SPRED2: variants seen among roughly 807,000 people sequenced by gnomAD.
SPRED2 encodes the protein sprouty related EVH1 domain containing 2.
In SPRED2, 47 loss-of-function variants were observed where a neutral mutation model predicts 43.0. The observed-to-expected ratio is 1.09, with a 90% CI of 0.87 to 1.40. SPRED2 has a LOEUF of 1.40. SPRED2 is among the 40% of genes most tolerant of loss of function. SPRED2 has a pLI of 0.00. For synonymous variants in SPRED2, 225 were observed against 225.7 expected (o/e 1.00, Z 0.03); for missense variants, 561 against 586.4 (o/e 0.96, Z 0.45).
chr2:65,329,830 C>T (rs554842910), intron 4 of SPRED2, among the ~76,000 whole-genome samples: 1 of 152,282 alleles, frequency 6.6e-6, no homozygotes, highest in Non-Finnish European at 1.5e-5. Flanking sequence ...CTGCTCGGAG[C>T]ACTATAGGAA....
At chr2:65,409,119 C>A (rs1676094795) in intron 1 of SPRED2, among the ~76,000 whole-genome samples, 1 of 152,158 alleles carries the variant, frequency 6.6e-6, no homozygotes, top group South Asian at 2.1e-4. Context: ...TTCAAGGACA[C>A]TGAAGTTTTT....
At chr2:65,367,710 T>A (rs1290455629) in intron 1 of SPRED2, among the ~76,000 whole-genome samples, 1 of 152,206 alleles carries the variant, frequency 6.6e-6, no homozygotes, top group Non-Finnish European at 1.5e-5. Flanking sequence ...TGTTTCCTTA[T>A]GCATTCTCTG....
rs1256626844 is a variant in SPRED2 at position 65,313,510 on chromosome 2, C to T, written c.1248G>A (p.Ala416=). 8.7e-6 allele frequency: 14 copies of T among 1,602,498 alleles called. No homozygotes were observed. The highest frequency in any genetic ancestry group is 1.3e-5 in the African/African-American group (1 of 74,736). The change falls in exon 6 of 6, where the codon GCG becomes GCA. Residue 416 remains alanine (A), a synonymous_variant. Transcript: ENST00000356388. ...AGGGAGGGAAACTGAGTCACGCGGCCGCTTTGTGCTTCCCGCCACAGCACC... is the reference window on the plus strand; with the variant it reads ...AGGGAGGGAAACTGAGTCACGCGGCTGCTTTGTGCTTCCCGCCACAGCACC... ...MCRCCGGKHK[A]AA
intron 1 of SPRED2, among the ~76,000 whole-genome samples, chr2:65,406,951 C>T (rs1019306132): frequency 1.3e-5 from 2 of 148,566 alleles, no homozygotes; most frequent in Non-Finnish European, 3.0e-5. Flanking sequence ...TTTTTTGAGA[C>T]GGAGTCTCGC....
At chr2:65,411,582 A>G (rs1490322296) in intron 1 of SPRED2, among the ~76,000 whole-genome samples, 1 of 152,174 alleles carries the variant, frequency 6.6e-6, no homozygotes, top group Non-Finnish European at 1.5e-5. Context: ...TGGCCTGAAC[A>G]GCTCACTTCC....
intron 1 of SPRED2, among the ~76,000 whole-genome samples, chr2:65,392,342 C>A (rs1210913200): frequency 6.6e-6 from 1 of 151,670 alleles, no homozygotes; most frequent in Non-Finnish European, 1.5e-5. Flanking sequence ...CCATGCCTGG[C>A]TAATTTTAAT....
At chr2:65,382,990 G>A (rs868275712) in intron 1 of SPRED2, among the ~76,000 whole-genome samples, 12 of 152,222 alleles carry the variant, frequency 7.9e-5, no homozygotes, top group Non-Finnish European at 1.6e-4. Flanking sequence ...GAAGGCCTCA[G>A]TAAAAGGCAG....
Position 65,313,660 on chromosome 2 carries a change from C to G in SPRED2, c.1098G>C (p.Ser366=), listed in dbSNP as rs141482859. Residue 366 remains serine, a synonymous_variant, in exon 6 of 6, where the codon TCG becomes TCC. Coordinates refer to ENST00000356388, the MANE Select transcript of SPRED2 (RefSeq NM_181784.3). The stretch of plus-strand genomic sequence containing the variant: ...AAAACTTCTCGTCGCTAGTATCGCA[C>G]GAGCAAGGGTCTGTATAGTCTCCCT... ...DPEGDYTDPC[S]CDTSDEKFCL... is the part of the protein sequence containing the mutation. 1.2e-6 allele frequency: 2 copies of G among 1,614,170 alleles called. No homozygotes were observed. The highest frequency in any genetic ancestry group is 1.3e-5 in the African/African-American group (1 of 75,052).
At position 65,356,536 on chromosome 2, in the gene SPRED2, C is replaced by CTTTTT. The variant is rs1274369940; in HGVS notation, c.27-11645_27-11641dup. Among the ~76,000 whole-genome samples, 486 of 60,510 alleles carry CTTTTT rather than the reference C, an allele frequency of 8.0e-3. 6 individuals carry two copies. The highest frequency in any genetic ancestry group is 0.014 in the African/African-American group (273 of 20,120). 39.7% of individuals were successfully genotyped at this position (60,510 alleles called of 152,430 possible). On this transcript the variant is annotated intron_variant, in intron 1 of 5. Coordinates refer to ENST00000356388, the MANE Select transcript of SPRED2 (RefSeq NM_181784.3). ...TTAGAGTGCAGTTCCCCAGTTCCCT[C>CTTTTT]TTTTTTTTTTTTTTTTTTTTTTGTG...
At chr2:65,407,740 G>A (rs1676060118) in intron 1 of SPRED2, among the ~76,000 whole-genome samples, 2 of 152,146 alleles carry the variant, frequency 1.3e-5, no homozygotes, top group African/African-American at 2.4e-5. Context: ...CACACAGGTA[G>A]ACAGAAAAGG....
At chr2:65,429,523 A>C (rs1049602970) in intron 1 of SPRED2, among the ~76,000 whole-genome samples, 1 of 152,238 alleles carries the variant, frequency 6.6e-6, no homozygotes, top group Non-Finnish European at 1.5e-5. Context: ...AACAACAATA[A>C]AACAACAAAA....
chr2:65,330,959 A>C (rs1310597608), intron 4 of SPRED2, among the ~76,000 whole-genome samples: 1 of 150,338 alleles, frequency 6.7e-6, no homozygotes, highest in Non-Finnish European at 1.5e-5. Context: ...TGTGTGCTTG[A>C]AAAGTTTTAT....
At position 65,334,611 on chromosome 2, in the gene SPRED2, T is replaced by C; in HGVS notation, c.367A>G (p.Ile123Val). 6.2e-7 allele frequency: 1 copy of C among 1,614,216 alleles called. No individual in the cohort carries two copies. The highest frequency in any genetic ancestry group is 8.5e-7 in the Non-Finnish European group (1 of 1,180,018). ...GCAGCGACAAGTTCAATACCTTCTA[T>C]AAGGTCTTCGATTGCTTTCCTTACT... is the stretch of plus-strand genomic sequence containing the variant. Reference protein sequence around the residue: ...RGVRKAIEDLIEGSTTSSSTI... With the variant: ...RGVRKAIEDLVEGSTTSSSTI... The change falls in exon 3 of 6, where the codon ATA becomes GTA. Residue 123 changes from isoleucine to valine, a missense_variant. Around this residue, in one of 6 missense-constraint regions of SPRED2, gnomAD observed 305 missense variants for 282.4 expected, o/e 1.08. Coordinates refer to ENST00000356388, the MANE Select transcript of SPRED2 (RefSeq NM_181784.3).
intron 1 of SPRED2, among the ~76,000 whole-genome samples, chr2:65,345,758 T>C (rs1211462423): frequency 6.6e-6 from 1 of 152,240 alleles, no homozygotes; most frequent in Non-Finnish European, 1.5e-5. Context: ...CTTTACATAT[T>C]TGTAGACTTC....
intron 1 of SPRED2, among the ~76,000 whole-genome samples, chr2:65,406,650 C>T (rs145535175): frequency 3.9e-5 from 6 of 152,326 alleles, no homozygotes; most frequent in African/African-American, 1.4e-4. Context: ...GAAAGCAACT[C>T]ACACTTCACT....
At chr2:65,422,768 T>G (rs973734083) in intron 1 of SPRED2, among the ~76,000 whole-genome samples, 1 of 152,142 alleles carries the variant, frequency 6.6e-6, no homozygotes, top group African/African-American at 2.4e-5. Flanking sequence ...TGTTGTTGTT[T>G]TTTATTTTAA....
chr2:65,425,501 G>A (rs1332247461), intron 1 of SPRED2, among the ~76,000 whole-genome samples: 1 of 152,200 alleles, frequency 6.6e-6, no homozygotes, highest in East Asian at 1.9e-4. Context: ...TGTTGATAAA[G>A]GTTACATGAG....
intron 1 of SPRED2, among the ~76,000 whole-genome samples, chr2:65,389,651 T>C (rs1449154543): frequency 6.6e-6 from 1 of 151,942 alleles, no homozygotes; most frequent in Non-Finnish European, 1.5e-5. Flanking sequence ...TGCCCTCTCA[T>C]TGTTCAATTA....
At chr2:65,360,072 A>C (rs1359692529) in intron 1 of SPRED2, among the ~76,000 whole-genome samples, 9 of 95,526 alleles carry the variant, frequency 9.4e-5, no homozygotes. Flanking sequence ...CTCAAAAAAA[A>C]AAAAAACAAA....
Sources: gnomAD v4.1 joint callset for allele counts (sites outside exome capture counted in the v4.1 genomes callset) on GRCh38, gnomAD v4.1.1 for gene constraint, gnomAD v4.1.1 regional missense constraint, MANE v1.5 for transcripts, NCBI Gene and HGNC (gene_info 2026-07-23, HGNC 2026-07-21) for gene names.